The following GHR variants were observed in gnomAD, a reference collection of about 807,000 sequenced individuals.
GHR encodes the protein GH receptor.
In GHR, 35 loss-of-function variants were observed where a neutral mutation model predicts 67.1. The observed-to-expected ratio is 0.52, with a 90% CI of 0.40 to 0.69. GHR has a LOEUF of 0.69. Among genes scored for constraint, GHR ranks in the 30% least tolerant of loss-of-function variants. GHR has a pLI of 0.00. For synonymous variants in GHR, 272 were observed against 269.1 expected, an observed-to-expected ratio of 1.01 and a Z score of -0.10; for missense variants, 792 against 764.6, an observed-to-expected ratio of 1.04 and a Z score of -0.42.
intron 2 of GHR, among the ~76,000 whole-genome samples, chr5:42,592,061 T>C (rs1195642022): frequency 6.6e-6 from 1 of 152,088 alleles, no homozygotes; most frequent in African/African-American, 2.4e-5. Flanking sequence ...TTTCAGTGTT[T>C]CAGGGAGCCT....
chr5:42,516,409 AG>A (rs1022534578), intron 1 of GHR, among the ~76,000 whole-genome samples: 1 of 152,138 alleles, frequency 6.6e-6, no homozygotes, highest in Admixed American at 6.5e-5. Flanking sequence ...CCCCGGAGTC[AG>A]GTGAGCTGGT....
chr5:42,508,480 T>C (rs1314453035), intron 1 of GHR, among the ~76,000 whole-genome samples: 2 of 152,214 alleles, frequency 1.3e-5, no homozygotes, highest in African/African-American at 4.8e-5. Context: ...AGGATTGGTA[T>C]GCTGTTTATT....
intron 1 of GHR, among the ~76,000 whole-genome samples, chr5:42,457,122 C>T (rs1428612992): frequency 6.6e-6 from 1 of 152,182 alleles, no homozygotes; most frequent in East Asian, 1.9e-4. Flanking sequence ...CTTCCCTTCG[C>T]TTCTCTGTGG....
intron 3 of GHR, among the ~76,000 whole-genome samples, chr5:42,664,278 A>G (rs1198885088): frequency 2.6e-5 from 4 of 152,350 alleles, no homozygotes; most frequent in Non-Finnish European, 5.9e-5. Flanking sequence ...AAGAGCCTGC[A>G]TCGCCAAGTC....
At chr5:42,637,049 T>C (rs550251819) in intron 3 of GHR, among the ~76,000 whole-genome samples, 2 of 152,322 alleles carry the variant, frequency 1.3e-5, no homozygotes, top group African/African-American at 4.8e-5. Flanking sequence ...GTGTTTTTTT[T>C]CTTTAGGTCA....
intron 1 of GHR, among the ~76,000 whole-genome samples, chr5:42,546,367 G>T (rs1287888583): frequency 6.6e-6 from 1 of 152,154 alleles, no homozygotes; most frequent in Non-Finnish European, 1.5e-5. Context: ...AGTCTAGATA[G>T]CCCTCATCCA....
chr5:42,715,387 G>A (rs900157478), intron 8 of GHR, among the ~76,000 whole-genome samples: 4 of 152,150 alleles, frequency 2.6e-5, no homozygotes, highest in East Asian at 3.8e-4. Flanking sequence ...GTAAAGTGGC[G>A]TCAGGTCCTA....
chr5:42,659,236 A>G (rs1183095085), intron 3 of GHR: 1 of 152,184 alleles, frequency 6.6e-6, no homozygotes, highest in East Asian at 1.9e-4. Context: ...CTTATGTAAC[A>G]TTACTAGCAA....
chr5:42,507,573 C>T (rs566855271), intron 1 of GHR, among the ~76,000 whole-genome samples: 1 of 152,318 alleles, frequency 6.6e-6, no homozygotes, highest in African/African-American at 2.4e-5. Flanking sequence ...GACACACAAT[C>T]TAACTCAGAA....
intron 1 of GHR, among the ~76,000 whole-genome samples, chr5:42,439,503 A>G (rs1400335137): frequency 6.6e-6 from 1 of 152,252 alleles, no homozygotes; most frequent in Non-Finnish European, 1.5e-5. Context: ...CTTGCAGTTT[A>G]ATAAATGACT....
chr5:42,710,470 T>C (rs896105116), intron 6 of GHR, among the ~76,000 whole-genome samples: 15 of 152,206 alleles, frequency 9.9e-5, no homozygotes, highest in South Asian at 2.1e-4. Context: ...GATAGCAATA[T>C]GTGTTAAAAG....
chr5:42,701,231 A>G (rs1757913955), intron 6 of GHR, among the ~76,000 whole-genome samples: 2 of 152,198 alleles, frequency 1.3e-5, no homozygotes, highest in Admixed American at 1.3e-4. Context: ...CTTAGCATGA[A>G]GCAAGGCAGT....
At chr5:42,500,939 AAAC>A (rs200421521) in intron 1 of GHR, among the ~76,000 whole-genome samples, 3,675 of 152,352 alleles carry the variant, frequency 0.024, 48 homozygotes, top group Middle Eastern at 0.037. Context: ...CTTACAATGA[AAAC>A]AACTAAAAAG....
At chr5:42,685,167 C>T (rs894819521) in intron 3 of GHR, among the ~76,000 whole-genome samples, 1 of 152,104 alleles carries the variant, frequency 6.6e-6, no homozygotes, top group African/African-American at 2.4e-5. Flanking sequence ...TTGTTCAACT[C>T]CCACTTATAA....
At chr5:42,500,584 A>C (rs1328581810) in intron 1 of GHR, among the ~76,000 whole-genome samples, 1 of 152,242 alleles carries the variant, frequency 6.6e-6, no homozygotes, top group African/African-American at 2.4e-5. Context: ...ATTTTTTCAC[A>C]CTTAGAGAAT....
At chr5:42,565,517 CAG>C (rs1405484230) in intron 1 of GHR, 14 of 985,130 alleles carry the variant, frequency 1.4e-5, no homozygotes, top group Non-Finnish European at 1.7e-5. Flanking sequence ...TTTCTATTTC[CAG>C]ATCAAATTAA....
intron 3 of GHR, among the ~76,000 whole-genome samples, chr5:42,643,772 C>T (rs956321912): frequency 6.6e-6 from 1 of 151,088 alleles, no homozygotes; most frequent in African/African-American, 2.4e-5. Flanking sequence ...GGAGAAGTGA[C>T]TTAATCATTT....
At chr5:42,571,657 C>A (rs1281554853) in intron 2 of GHR, among the ~76,000 whole-genome samples, 1 of 152,162 alleles carries the variant, frequency 6.6e-6, no homozygotes, top group African/African-American at 2.4e-5. Context: ...GGAGTGGGAC[C>A]ACCCAAGAAT....
At chr5:42,555,422 T>C (rs1749256091) in intron 1 of GHR, among the ~76,000 whole-genome samples, 1 of 152,194 alleles carries the variant, frequency 6.6e-6, no homozygotes, top group Admixed American at 6.5e-5. Flanking sequence ...TTTTTCTTGC[T>C]CCCTGTAGTT....
Sources: allele counts gnomAD v4.1 joint callset (sites outside exome capture counted in the v4.1 genomes callset), GRCh38; gene constraint gnomAD v4.1.1; transcripts MANE v1.5; gene names NCBI Gene and HGNC (gene_info 2026-07-23, HGNC 2026-07-21).